The following RSRC1 variants were observed in gnomAD, a reference collection of about 807,000 sequenced individuals.
RSRC1 encodes serine/Arginine-related protein 53.
A neutral mutation model predicts 49.1 loss-of-function variants in RSRC1; 39 were observed. The ratio of observed to expected loss-of-function variants is 0.79; its 90% CI spans 0.61 to 1.04. The LOEUF (loss-of-function observed/expected upper bound fraction) is 1.04. RSRC1 is among the 50% of genes least tolerant of loss of function. RSRC1 has a pLI of 0.00. For missense variants in RSRC1, 388 were observed against 402.4 expected, an observed-to-expected ratio of 0.96 and a Z score of 0.31; for synonymous variants, 143 against 130.8, an observed-to-expected ratio of 1.09 and a Z score of -0.63.
chr3:158,118,996 A>C (rs965040792), intron 1 of RSRC1, among the ~76,000 whole-genome samples: 1 of 152,020 alleles, frequency 6.6e-6, no homozygotes, highest in Non-Finnish European at 1.5e-5. Flanking sequence ...AATCTCTTTA[A>C]CTTTTAGTTT....
intron 1 of RSRC1, among the ~76,000 whole-genome samples, chr3:158,116,479 A>C (rs906157364): frequency 2.0e-5 from 3 of 152,200 alleles, no homozygotes; most frequent in Non-Finnish European, 4.4e-5. Context: ...GTGGAAATTT[A>C]GTAAAATTTA....
chr3:158,327,994 C>G (rs1729275214), intron 5 of RSRC1, among the ~76,000 whole-genome samples: 2 of 152,192 alleles, frequency 1.3e-5, no homozygotes, highest in South Asian at 4.1e-4. Flanking sequence ...TAATGGCCTT[C>G]TTTGTCTCGT....
chr3:158,112,929 T>G (rs1589522), intron 1 of RSRC1, among the ~76,000 whole-genome samples: 144,018 of 152,182 alleles, frequency 0.95, 68,266 homozygotes, highest in East Asian at 1. Context: ...GTTTGATGAG[T>G]ATAATGGCTT....
At chr3:158,209,483 GA>G (rs1453326450) in intron 4 of RSRC1, among the ~76,000 whole-genome samples, 1 of 152,058 alleles carries the variant, frequency 6.6e-6, no homozygotes, top group African/African-American at 2.4e-5. Context: ...TAGCAGCACA[GA>G]ATGCACCAAG....
chr3:158,276,250 C>A, intron 4 of RSRC1: 1 of 770,666 alleles, frequency 1.3e-6, no homozygotes, highest in South Asian at 1.3e-5. Flanking sequence ...ATAATGTAAC[C>A]TTTCTTGGCC....
Position 158,535,988 on chromosome 3 carries a change from C to T in RSRC1, c.653-1104C>T, listed in dbSNP as rs78205121. ...AGAATGATAGAGTATCACCATTTTA[C>T]AACCTCTGATGAAATAATGGCTCAA... On this transcript the variant is annotated intron_variant, in intron 7 of 9. Transcript: ENST00000611884. Among the ~76,000 whole-genome samples the T allele has an allele frequency of 9.2e-3, 1,401 of 151,500 alleles. 27 individuals carry two copies. The highest frequency in any genetic ancestry group is 0.032 in the African/African-American group (1,329 of 41,484).
intron 3 of RSRC1, among the ~76,000 whole-genome samples, chr3:158,179,901 T>G (rs1284478693): frequency 6.6e-6 from 1 of 152,184 alleles, no homozygotes; most frequent in African/African-American, 2.4e-5. Context: ...TATTTGACAT[T>G]GCTGTTTTAA....
chr3:158,417,158 A>C (rs1734783729), intron 6 of RSRC1, among the ~76,000 whole-genome samples: 2 of 152,026 alleles, frequency 1.3e-5, no homozygotes, highest in Non-Finnish European at 2.9e-5. Context: ...TTTCCTGCCG[A>C]GCAGATGTAA....
At chr3:158,530,395 G>T (rs1712313311) in intron 7 of RSRC1, among the ~76,000 whole-genome samples, 1 of 151,704 alleles carries the variant, frequency 6.6e-6, no homozygotes, top group Admixed American at 6.6e-5. Flanking sequence ...TTCTTCTCTG[G>T]TTACCCCATC....
intron 7 of RSRC1, among the ~76,000 whole-genome samples, chr3:158,504,044 G>A (rs1349894081): frequency 6.6e-6 from 1 of 152,176 alleles, no homozygotes; most frequent in African/African-American, 2.4e-5. Flanking sequence ...AACTCCCAGG[G>A]CCTTTCTGCT....
intron 3 of RSRC1, among the ~76,000 whole-genome samples, chr3:158,153,875 G>A (rs1717696021): frequency 1.3e-5 from 2 of 152,102 alleles, no homozygotes; most frequent in African/African-American, 4.8e-5. Context: ...TGTGATCTTA[G>A]GTAGAGTAAA....
At chr3:158,529,158 A>C (rs978336590) in intron 7 of RSRC1, among the ~76,000 whole-genome samples, 1 of 150,110 alleles carries the variant, frequency 6.7e-6, no homozygotes, top group Non-Finnish European at 1.5e-5. Flanking sequence ...ATAATGCCAG[A>C]AGAGTAAGAT....
intron 7 of RSRC1, among the ~76,000 whole-genome samples, chr3:158,474,365 T>A (rs1286111813): frequency 6.6e-6 from 1 of 152,238 alleles, no homozygotes; most frequent in Non-Finnish European, 1.5e-5. Context: ...GAATACATAC[T>A]TCATTGCTAA....
intron 1 of RSRC1, among the ~76,000 whole-genome samples, chr3:158,113,206 T>C (rs1028439409): frequency 6.6e-6 from 1 of 152,166 alleles, no homozygotes; most frequent in Non-Finnish European, 1.5e-5. Flanking sequence ...TCTAGGTCTT[T>C]GGGGAATCAC....
chr3:158,270,369 A>G (rs1344290421), intron 4 of RSRC1, among the ~76,000 whole-genome samples: 1 of 152,206 alleles, frequency 6.6e-6, no homozygotes, highest in African/African-American at 2.4e-5. Context: ...CCCCAATGAT[A>G]GGGTGACTTT....
intron 4 of RSRC1, chr3:158,276,151 G>A: frequency 2.2e-6 from 2 of 915,334 alleles, no homozygotes; most frequent in South Asian, 1.3e-5. Flanking sequence ...AACTTTAGCT[G>A]GTTAACACCA....
Position 158,542,762 on chromosome 3 carries a change from C to T in RSRC1, c.760-573C>T, listed in dbSNP as rs569879220. On this transcript the variant is annotated intron_variant, in intron 8 of 9. Coordinates refer to ENST00000611884, the MANE Select transcript of RSRC1 (RefSeq NM_001271838.2). The stretch of plus-strand genomic sequence containing the variant: ...TGATTCTGGTAATAATTGCACAACT[C>T]CATGGATATGTGAAAAGCCATTGAA... Among the ~76,000 whole-genome samples, 7 of 152,124 alleles carry T rather than the reference C, an allele frequency of 4.6e-5. No homozygotes were observed. In the South Asian group the frequency reaches 1.5e-3, roughly 32 times the overall value.
chr3:158,418,680 C>A (rs774945447), intron 6 of RSRC1, among the ~76,000 whole-genome samples: 4 of 151,892 alleles, frequency 2.6e-5, no homozygotes, highest in Non-Finnish European at 4.4e-5. Flanking sequence ...ATTGCTGCAC[C>A]TGCCTCAGGA....
At chr3:158,457,794 T>C (rs1737419189) in intron 6 of RSRC1, among the ~76,000 whole-genome samples, 1 of 151,256 alleles carries the variant, frequency 6.6e-6, no homozygotes, top group Non-Finnish European at 1.5e-5. Context: ...CTGAGTAACC[T>C]AAATTTGGCT....
Sources: allele counts gnomAD v4.1 joint callset (sites outside exome capture counted in the v4.1 genomes callset), GRCh38; gene constraint gnomAD v4.1.1; transcripts MANE v1.5; gene names NCBI Gene and HGNC (gene_info 2026-07-23, HGNC 2026-07-21).